Variants in LRRC4C observed in about 807,000 individuals in gnomAD.
The protein encoded by LRRC4C is leucine rich repeat containing 4C.
Under a neutral mutation model 33.6 loss-of-function variants are expected in LRRC4C, and 5 were observed. The observed-to-expected ratio is 0.15, with a 90% confidence interval of 0.08 to 0.31. The LOEUF (loss-of-function observed/expected upper bound fraction) is 0.31, where lower values mean the gene tolerates loss of function less well. LRRC4C is among the 10% of genes least tolerant of loss of function. LRRC4C has a pLI of 1.00. For synonymous variants in LRRC4C, 329 were observed against 302.0 expected (o/e 1.09, Z -0.93); for missense variants, 560 against 796.7 (o/e 0.70, Z 3.58).
chr11:41,419,511 A>G (rs1385299474), intron 1 of LRRC4C, among the ~76,000 whole-genome samples: 1 of 151,914 alleles, frequency 6.6e-6, no homozygotes, highest in Non-Finnish European at 1.5e-5. Context: ...AAGACACCAG[A>G]CAAATGGCCA....
At chr11:40,642,407 C>G (rs1942178750) in intron 3 of LRRC4C, among the ~76,000 whole-genome samples, 1 of 152,080 alleles carries the variant, frequency 6.6e-6, no homozygotes, top group African/African-American at 2.4e-5. Context: ...AGATTACTTC[C>G]CATCAGCTGA....
chr11:40,833,151 A>G (rs568756525), intron 2 of LRRC4C, among the ~76,000 whole-genome samples: 2 of 152,260 alleles, frequency 1.3e-5, no homozygotes, highest in African/African-American at 2.4e-5. Context: ...CTTGCTACTC[A>G]TTTAATATTC....
At chr11:41,398,096 G>C (rs1953888474) in intron 1 of LRRC4C, among the ~76,000 whole-genome samples, 1 of 151,784 alleles carries the variant, frequency 6.6e-6, no homozygotes, top group African/African-American at 2.4e-5. Flanking sequence ...GTGTAGAATT[G>C]CCTTATATAA....
intron 1 of LRRC4C, among the ~76,000 whole-genome samples, chr11:41,350,838 C>T (rs1023753839): frequency 3.9e-5 from 6 of 152,148 alleles, no homozygotes; most frequent in African/African-American, 1.4e-4. Flanking sequence ...AATTTCATAA[C>T]ACAATTGGAA....
chr11:40,294,900 G>A (rs1219400560), intron 4 of LRRC4C, among the ~76,000 whole-genome samples: 3 of 152,038 alleles, frequency 2.0e-5, no homozygotes, highest in African/African-American at 7.2e-5. Context: ...TAGCTTAAAA[G>A]CTACTCGGGA....
intron 4 of LRRC4C, among the ~76,000 whole-genome samples, chr11:40,318,564 T>C (rs1468678506): frequency 6.6e-6 from 1 of 152,158 alleles, no homozygotes; most frequent in Non-Finnish European, 1.5e-5. Flanking sequence ...GATTCCTTTT[T>C]ATATTTTCAA....
intron 1 of LRRC4C, among the ~76,000 whole-genome samples, chr11:41,183,613 G>T (rs760050143): frequency 6.6e-6 from 1 of 152,148 alleles, no homozygotes. Context: ...CCTGCTGGCT[G>T]CTTTCACAAG....
intron 1 of LRRC4C, among the ~76,000 whole-genome samples, chr11:41,152,911 G>A (rs929582110): frequency 3.3e-5 from 5 of 152,048 alleles, no homozygotes; most frequent in African/African-American, 1.2e-4. Context: ...AATAAAAATA[G>A]GTAATAAAGT....
At chr11:40,142,320 A>ATG (rs1857432117) in intron 5 of LRRC4C, among the ~76,000 whole-genome samples, 1 of 148,680 alleles carries the variant, frequency 6.7e-6, no homozygotes, top group South Asian at 2.1e-4. Flanking sequence ...ATTTTATAAA[A>ATG]TGTTTTCCCA....
intron 1 of LRRC4C, among the ~76,000 whole-genome samples, chr11:41,068,977 C>A (rs1321003740): frequency 6.6e-6 from 1 of 152,024 alleles, no homozygotes; most frequent in Admixed American, 6.6e-5. Context: ...AAAAAGAAAA[C>A]TCAGGCCAAT....
chr11:41,024,036 T>C (rs1275661905), intron 1 of LRRC4C, among the ~76,000 whole-genome samples: 4 of 151,604 alleles, frequency 2.6e-5, no homozygotes, highest in African/African-American at 4.8e-5. Context: ...TGCGTTCAGA[T>C]CAATTCTTTA....
At chr11:40,792,295 A>C (rs1174963727) in intron 2 of LRRC4C, among the ~76,000 whole-genome samples, 1 of 152,166 alleles carries the variant, frequency 6.6e-6, no homozygotes, top group African/African-American at 2.4e-5. Context: ...TTATTATTGA[A>C]GTTTATTTCT....
At chr11:40,964,769 A>G (rs1200167773) in intron 1 of LRRC4C, among the ~76,000 whole-genome samples, 5 of 151,730 alleles carry the variant, frequency 3.3e-5, no homozygotes, top group Non-Finnish European at 5.9e-5. Flanking sequence ...CCAGTCTATC[A>G]TTGTTGGACA....
chr11:40,454,628 G>C (rs572417746), intron 3 of LRRC4C, among the ~76,000 whole-genome samples: 1 of 151,976 alleles, frequency 6.6e-6, no homozygotes. Flanking sequence ...TTTTCTGATC[G>C]TTATTTTCAA....
chr11:40,760,822 CATAT>C (rs1360916062), intron 2 of LRRC4C, among the ~76,000 whole-genome samples: 1 of 144,388 alleles, frequency 6.9e-6, no homozygotes, highest in Non-Finnish European at 1.5e-5. Context: ...CACACACACA[CATAT>C]ATTTATATAT....
chr11:41,055,961 C>A (rs1334829465), intron 1 of LRRC4C, among the ~76,000 whole-genome samples: 1 of 152,048 alleles, frequency 6.6e-6, no homozygotes, highest in Non-Finnish European at 1.5e-5. Flanking sequence ...GCTTTTAATG[C>A]ATATTTTCTT....
chr11:41,321,517 C>T (rs1950958750), intron 1 of LRRC4C, among the ~76,000 whole-genome samples: 1 of 152,164 alleles, frequency 6.6e-6, no homozygotes, highest in African/African-American at 2.4e-5. Context: ...TTCTATCTCT[C>T]AAATCTGCAA....
chr11:40,827,396 C>T (rs2135517551), intron 2 of LRRC4C, among the ~76,000 whole-genome samples: 1 of 151,828 alleles, frequency 6.6e-6, no homozygotes, highest in South Asian at 2.1e-4. Context: ...GAAAATCATA[C>T]ATAGTCAATC....
chr11:40,755,023 A>G (rs547636489), intron 2 of LRRC4C, among the ~76,000 whole-genome samples: 1 of 152,212 alleles, frequency 6.6e-6, no homozygotes, highest in South Asian at 2.1e-4. Context: ...TTCCAGTCTG[A>G]CATACATTCA....
Sources: allele counts gnomAD v4.1 joint callset (sites outside exome capture counted in the v4.1 genomes callset), GRCh38; gene constraint gnomAD v4.1.1; transcripts MANE v1.5; gene names NCBI Gene and HGNC (gene_info 2026-07-23, HGNC 2026-07-21).